The following NKAIN2 variants were observed in gnomAD, a reference collection of about 807,000 sequenced individuals.
NKAIN2 encodes sodium/potassium transporting ATPase interacting 2.
A neutral mutation model predicts 32.6 loss-of-function variants in NKAIN2; 14 were observed. That is an observed-to-expected ratio of 0.43 (90% CI 0.28 to 0.67). The LOEUF (loss-of-function observed/expected upper bound fraction) is 0.67. Ranked by LOEUF, NKAIN2 falls within the 30% of genes least tolerant of loss-of-function variation. The pLI is 0.17. For synonymous variants in NKAIN2, 80 were observed against 87.2 expected (o/e 0.92, Z 0.46); for missense variants, 198 against 258.3 (o/e 0.77, Z 1.60).
At chr6:124,022,038 TC>T (rs1301413801) in intron 1 of NKAIN2, among the ~76,000 whole-genome samples, 1 of 129,686 alleles carries the variant, frequency 7.7e-6, no homozygotes, top group African/African-American at 2.8e-5. Flanking sequence ...ATGCTATCCC[TC>T]CCCCCTCCCC....
intron 5 of NKAIN2, among the ~76,000 whole-genome samples, chr6:124,794,075 T>C (rs1442348593): frequency 6.6e-6 from 1 of 152,166 alleles, no homozygotes; most frequent in Non-Finnish European, 1.5e-5. Flanking sequence ...GAAATTCATG[T>C]TCACTGTGAC....
intron 3 of NKAIN2, among the ~76,000 whole-genome samples, chr6:124,640,428 A>T (rs187551226): frequency 2.0e-5 from 3 of 152,186 alleles, no homozygotes; most frequent in African/African-American, 4.8e-5. Context: ...TAACCTGTTC[A>T]TTGAAAACTG....
intron 2 of NKAIN2, among the ~76,000 whole-genome samples, chr6:124,295,560 C>T (rs953563811): frequency 5.3e-5 from 8 of 151,976 alleles, no homozygotes; most frequent in South Asian, 2.1e-4. Flanking sequence ...AGAAACTCAC[C>T]GATTAGGAAG....
chr6:124,193,015 C>T (rs1322288462), intron 1 of NKAIN2, among the ~76,000 whole-genome samples: 1 of 151,976 alleles, frequency 6.6e-6, no homozygotes, highest in Non-Finnish European at 1.5e-5. Flanking sequence ...TCCTAAAGTG[C>T]TGGGATTACA....
At chr6:124,107,565 A>T (rs1244231702) in intron 1 of NKAIN2, among the ~76,000 whole-genome samples, 2 of 152,172 alleles carry the variant, frequency 1.3e-5, no homozygotes, top group East Asian at 3.9e-4. Context: ...CATGAGGTCT[A>T]CAATCTTAGC....
At chr6:124,712,116 C>A (rs556347987) in intron 4 of NKAIN2, among the ~76,000 whole-genome samples, 68 of 151,692 alleles carry the variant, frequency 4.5e-4, no homozygotes, top group Admixed American at 3.2e-3. Flanking sequence ...GGGTGCCTCC[C>A]AGTTAGGCTG....
chr6:124,745,020 A>G (rs1263344300), intron 4 of NKAIN2, among the ~76,000 whole-genome samples: 3 of 151,874 alleles, frequency 2.0e-5, no homozygotes, highest in African/African-American at 7.2e-5. Flanking sequence ...CCACTTTCAA[A>G]TTGCCAGGAG....
chr6:124,352,035 C>T (rs1798757829), intron 2 of NKAIN2, among the ~76,000 whole-genome samples: 1 of 152,246 alleles, frequency 6.6e-6, no homozygotes, highest in Non-Finnish European at 1.5e-5. Context: ...TTGATCATTC[C>T]ATTCCCATAC....
chr6:124,526,834 G>A (rs890808430), intron 3 of NKAIN2, among the ~76,000 whole-genome samples: 1 of 152,126 alleles, frequency 6.6e-6, no homozygotes, highest in Non-Finnish European at 1.5e-5. Context: ...GGGAGTAGTG[G>A]GGTAGTGTAT....
intron 1 of NKAIN2, among the ~76,000 whole-genome samples, chr6:123,989,301 G>A (rs1245176180): frequency 6.6e-6 from 1 of 152,134 alleles, no homozygotes; most frequent in African/African-American, 2.4e-5. Context: ...TGAGTTGTCA[G>A]CCAATATATG....
At chr6:124,350,592 T>C (rs543155436) in intron 2 of NKAIN2, among the ~76,000 whole-genome samples, 4 of 152,314 alleles carry the variant, frequency 2.6e-5, no homozygotes, top group African/African-American at 7.2e-5. Flanking sequence ...GATTTCTATG[T>C]TCATTAAAGG....
rs1293885420 is a variant in NKAIN2 at position 123,876,470 on chromosome 6, G to A, written c.54+72216G>A. ...TATATATACATACACACACACACAA[G>A]ATTTTATAAAGGATTTGCTCACGTG... On this transcript the variant is annotated intron_variant, in intron 1 of 6. Coordinates refer to ENST00000368417, the MANE Select transcript of NKAIN2 (RefSeq NM_001040214.3). Among the ~76,000 whole-genome samples, 3 of 152,032 alleles carry A rather than the reference G, an allele frequency of 2.0e-5. No homozygotes were observed. The East Asian group carries it at 5.8e-4, about 29-fold the overall frequency.
intron 3 of NKAIN2, among the ~76,000 whole-genome samples, chr6:124,379,000 G>A (rs992565716): frequency 2.0e-5 from 3 of 149,050 alleles, no homozygotes; most frequent in Non-Finnish European, 4.4e-5. Flanking sequence ...GCTGCTGTGG[G>A]AGGATGACCT....
At chr6:124,746,330 A>T (rs1777449602) in intron 4 of NKAIN2, among the ~76,000 whole-genome samples, 1 of 151,940 alleles carries the variant, frequency 6.6e-6, no homozygotes, top group Non-Finnish European at 1.5e-5. Context: ...ACTGAGAATA[A>T]TATTATCAAA....
intron 1 of NKAIN2, among the ~76,000 whole-genome samples, chr6:124,273,631 C>A (rs1260107531): frequency 6.6e-6 from 1 of 152,144 alleles, no homozygotes; most frequent in African/African-American, 2.4e-5. Context: ...GGTTTCCACA[C>A]CTCACTAGAA....
intron 1 of NKAIN2, among the ~76,000 whole-genome samples, chr6:124,138,339 A>T (rs1554258960): frequency 6.6e-6 from 1 of 152,068 alleles, no homozygotes; most frequent in Non-Finnish European, 1.5e-5. Context: ...AAAATAAGAG[A>T]TGTTGGCATG....
intron 3 of NKAIN2, among the ~76,000 whole-genome samples, chr6:124,552,729 G>A (rs1365964876): frequency 6.6e-6 from 1 of 152,132 alleles, no homozygotes; most frequent in Non-Finnish European, 1.5e-5. Flanking sequence ...ATGTCTAAGG[G>A]TTAAAATATT....
intron 3 of NKAIN2, among the ~76,000 whole-genome samples, chr6:124,358,647 A>C (rs932085675): frequency 4.0e-5 from 6 of 151,810 alleles, no homozygotes; most frequent in African/African-American, 1.5e-4. Flanking sequence ...AATTTGTTTG[A>C]GTTCATTGTA....
In NKAIN2 at chr6:123,894,690, C is replaced by T. The variant is rs551531535; in HGVS notation, c.54+90436C>T. ...GGAGATGAAACCGAGAATCTTGGAT[C>T]ATTAGTCATTTATATCCCAGGATTC... On this transcript the variant is annotated intron_variant, in intron 1 of 6. Coordinates refer to ENST00000368417, the MANE Select transcript of NKAIN2 (RefSeq NM_001040214.3). Among the ~76,000 whole-genome samples the T allele has an allele frequency of 2.0e-5, 3 of 152,030 alleles. No homozygotes were observed. In the South Asian group the frequency reaches 6.3e-4, roughly 32 times the overall value.
Sources: gnomAD v4.1 joint callset for allele counts (sites outside exome capture counted in the v4.1 genomes callset) on GRCh38, gnomAD v4.1.1 for gene constraint, MANE v1.5 for transcripts, NCBI Gene and HGNC (gene_info 2026-07-23, HGNC 2026-07-21) for gene names.